The following RAD51B variants were observed in gnomAD, a reference collection of about 807,000 sequenced individuals.
The protein encoded by RAD51B is RAD51 paralog B.
Under a neutral mutation model 42.2 loss-of-function variants are expected in RAD51B, and 38 were observed. The ratio of observed to expected loss-of-function variants is 0.90; its 90% CI spans 0.70 to 1.18. The LOEUF (loss-of-function observed/expected upper bound fraction) is 1.18. Among genes scored for constraint, RAD51B ranks in the 50% most tolerant of loss-of-function variants. RAD51B has a pLI of 0.00. For missense variants in RAD51B, 373 were observed against 400.7 expected (o/e 0.93, Z 0.59); for synonymous variants, 154 against 145.2 (o/e 1.06, Z -0.43).
At chr14:68,241,532 C>A (rs936405691) in intron 7 of RAD51B, among the ~76,000 whole-genome samples, 1 of 152,022 alleles carries the variant, frequency 6.6e-6, no homozygotes, top group Admixed American at 6.5e-5. Context: ...CAGAGTGAGA[C>A]TCCGTCTCAA....
At chr14:68,673,356 A>G (rs1893199807) in intron 11 of RAD51B, among the ~76,000 whole-genome samples, 1 of 151,886 alleles carries the variant, frequency 6.6e-6, no homozygotes, top group Admixed American at 6.6e-5. Context: ...ACATAAACAC[A>G]CATACATAAA....
At chr14:67,941,737 G>C (rs2045217814) in intron 7 of RAD51B, among the ~76,000 whole-genome samples, 1 of 152,160 alleles carries the variant, frequency 6.6e-6, no homozygotes, top group Admixed American at 6.5e-5. Context: ...TCCTCCTTTT[G>C]GCTAGGGGTC....
intron 7 of RAD51B, among the ~76,000 whole-genome samples, chr14:68,005,085 C>A (rs748818205): frequency 7.4e-5 from 8 of 107,564 alleles, no homozygotes; most frequent in Non-Finnish European, 5.1e-5. Context: ...GACAGTGTCT[C>A]TCTCTGTTGC....
At position 68,539,119 on chromosome 14, in the gene RAD51B, A is replaced by C. The variant is rs551123383; in HGVS notation, c.1037-55366A>C. ...TATTCCCTAACTTCTGAATCTTGGGAAATCATTAAAACAACAGCTAGGAAC... is the reference window on the plus strand; with the variant it reads ...TATTCCCTAACTTCTGAATCTTGGGCAATCATTAAAACAACAGCTAGGAAC... On this transcript the variant is annotated intron_variant, in intron 10 of 10. Transcript: ENST00000487270. Among the ~76,000 whole-genome samples, 5 of 152,318 alleles carry C rather than the reference A, an allele frequency of 3.3e-5. No homozygotes were observed. The South Asian group carries it at 1.0e-3, about 32-fold the overall frequency.
intron 10 of RAD51B, among the ~76,000 whole-genome samples, chr14:68,649,772 A>G (rs1892663024): frequency 6.6e-6 from 1 of 152,160 alleles, no homozygotes; most frequent in African/African-American, 2.4e-5. Flanking sequence ...GGGGGAGCAG[A>G]TTGGCCATGA....
chr14:68,517,470 A>T (rs1302051094), intron 10 of RAD51B, among the ~76,000 whole-genome samples: 1 of 152,188 alleles, frequency 6.6e-6, no homozygotes, highest in African/African-American at 2.4e-5. Context: ...ACAGTGAAGA[A>T]GGCAAATAAC....
At position 68,156,455 on chromosome 14, in the gene RAD51B, TTCTCTCTCTCTC is replaced by T. The variant is rs10650896; in HGVS notation, c.757-135399_757-135388del. ...AAGTCAAGAAAGCACCTTAGAAAATTTCTCTCTCTCTCTCTCTCTCTCTCTCTCTCTCTCTCT... is the reference window on the plus strand; with the variant it reads ...AAGTCAAGAAAGCACCTTAGAAAATTTCTCTCTCTCTCTCTCTCTCTCTCT... On this transcript the variant is annotated intron_variant, in intron 7 of 10. Transcript: ENST00000471583. Among the ~76,000 whole-genome samples the T allele has an allele frequency of 5.7e-4, 65 of 114,344 alleles. 1 individual carries two copies. Among genetic ancestry groups the T allele is most frequent in the Admixed American group, 2.4e-3 (26 of 10,964 alleles). 75.0% of individuals were successfully genotyped at this position (114,344 alleles called of 152,430 possible). A position where few individuals can be genotyped will look rare whatever the true frequency, so the allele number is the denominator to read the frequency against.
chr14:68,502,311 G>A (rs942398762), intron 10 of RAD51B, among the ~76,000 whole-genome samples: 6 of 152,190 alleles, frequency 3.9e-5, no homozygotes, highest in Non-Finnish European at 7.4e-5. Flanking sequence ...GAGATGGGAG[G>A]TCAGGCTGCA....
intron 8 of RAD51B, among the ~76,000 whole-genome samples, chr14:68,361,837 A>G (rs2083032277): frequency 6.6e-6 from 1 of 151,922 alleles, no homozygotes; most frequent in African/African-American, 2.4e-5. Flanking sequence ...CACCACATTC[A>G]GCTAATTTTT....
At chr14:68,103,301 C>T (rs147991076) in intron 7 of RAD51B, among the ~76,000 whole-genome samples, 79 of 152,162 alleles carry the variant, frequency 5.2e-4, no homozygotes, top group Middle Eastern at 3.4e-3. Context: ...AATTCAAAAC[C>T]TCAGGAGTTA....
At chr14:68,013,647 A>C (rs890043411) in intron 7 of RAD51B, among the ~76,000 whole-genome samples, 5 of 152,214 alleles carry the variant, frequency 3.3e-5, no homozygotes, top group African/African-American at 1.2e-4. Flanking sequence ...ATTACGTAGA[A>C]TATAACTTTC....
chr14:67,843,823 T>G (rs1018231346), intron 4 of RAD51B, among the ~76,000 whole-genome samples: 1 of 146,892 alleles, frequency 6.8e-6, no homozygotes, highest in African/African-American at 2.5e-5. Context: ...TTTTTAATTA[T>G]TTTTTTTTTT....
intron 7 of RAD51B, among the ~76,000 whole-genome samples, chr14:68,272,754 C>T (rs1397176666): frequency 1.5e-4 from 19 of 129,104 alleles, no homozygotes; most frequent in African/African-American, 3.0e-4. Context: ...GGCGTGATCT[C>T]GGCTCACTGC....
chr14:68,032,535 C>T (rs779186091), intron 7 of RAD51B, among the ~76,000 whole-genome samples: 16 of 152,158 alleles, frequency 1.1e-4, no homozygotes, highest in Non-Finnish European at 2.2e-4. Flanking sequence ...CTTTTGCCCT[C>T]TCTACATTTA....
At chr14:68,190,287 C>T (rs947733004) in intron 7 of RAD51B, among the ~76,000 whole-genome samples, 8 of 152,050 alleles carry the variant, frequency 5.3e-5, no homozygotes, top group African/African-American at 1.9e-4. Flanking sequence ...AAAGGCTGGT[C>T]CAGGTACTTT....
intron 7 of RAD51B, among the ~76,000 whole-genome samples, chr14:68,173,182 C>T (rs894044357): frequency 6.6e-6 from 1 of 152,170 alleles, no homozygotes; most frequent in African/African-American, 2.4e-5. Context: ...GTATACTTAG[C>T]TCAGTGTTTA....
At chr14:67,976,747 G>A (rs904981404) in intron 7 of RAD51B, among the ~76,000 whole-genome samples, 2 of 152,132 alleles carry the variant, frequency 1.3e-5, no homozygotes, top group Non-Finnish European at 2.9e-5. Context: ...CTTCTGCACA[G>A]CAAAAGAAAC....
At chr14:68,577,264 A>G (rs1341727570) in intron 10 of RAD51B, among the ~76,000 whole-genome samples, 1 of 152,164 alleles carries the variant, frequency 6.6e-6, no homozygotes, top group Non-Finnish European at 1.5e-5. Context: ...TTCTGAGTTC[A>G]TGGACACCCA....
In RAD51B at chr14:67,994,010, T is replaced by C. The variant is rs34691504; in HGVS notation, c.756+106806T>C. 3.9e-5 allele frequency among the ~76,000 whole-genome samples: 6 copies of C among 152,274 alleles called. No individual in the cohort carries two copies. The East Asian group carries it at 1.2e-3, about 29-fold the overall frequency. ...CTGTATTATAACTATTAGGTATCCA[T>C]AAAAATATCATGCCTTTATGTACTT... On this transcript the variant is annotated intron_variant, in intron 7 of 10. Coordinates refer to ENST00000471583, the MANE Select transcript of RAD51B (RefSeq NM_133510.4).
Sources: allele counts gnomAD v4.1 joint callset (sites outside exome capture counted in the v4.1 genomes callset), GRCh38; gene constraint gnomAD v4.1.1; transcripts MANE v1.5; gene names NCBI Gene and HGNC (gene_info 2026-07-23, HGNC 2026-07-21).